Variants in TRABD2B observed in about 807,000 individuals in gnomAD.
The protein encoded by TRABD2B is metalloprotease TIKI2.
TRABD2B carries 14 observed loss-of-function variants against 40.1 expected under a neutral mutation model. That is an observed-to-expected ratio of 0.35 (90% CI 0.23 to 0.55). The LOEUF (loss-of-function observed/expected upper bound fraction) is 0.55. Among genes scored for constraint, TRABD2B ranks in the 20% least tolerant of loss-of-function variants. TRABD2B has a pLI of 0.90. For missense variants in TRABD2B, 541 were observed against 648.6 expected (o/e 0.83, Z 1.80); for synonymous variants, 263 against 277.0 (o/e 0.95, Z 0.50).
At chr1:47,812,947 G>A (rs1644984818) in intron 2 of TRABD2B, among the ~76,000 whole-genome samples, 1 of 152,160 alleles carries the variant, frequency 6.6e-6, no homozygotes, top group African/African-American at 2.4e-5. Flanking sequence ...TGGAATGGAT[G>A]AGAAATCAGA....
chr1:47,968,151 C>T lies in TRABD2B; in HGVS notation c.666+25883G>A, dbSNP rs112293800. Among the ~76,000 whole-genome samples the T allele has an allele frequency of 4.6e-5, 7 of 152,366 alleles. 1 individual carries two copies. The highest frequency in any genetic ancestry group is 1.3e-4 in the Admixed American group (2 of 15,310). On this transcript the variant is annotated intron_variant, in intron 2 of 6. Coordinates refer to ENST00000606738, the MANE Select transcript of TRABD2B (RefSeq NM_001194986.2). ...GAGATACTTACATTACCTGCTTTCACAGAGATAAGAACTGTTCAAATTAGC... is the reference window on the plus strand; with the variant it reads ...GAGATACTTACATTACCTGCTTTCATAGAGATAAGAACTGTTCAAATTAGC...
At chr1:47,972,744 A>G (rs1645699579) in intron 2 of TRABD2B, among the ~76,000 whole-genome samples, 1 of 152,170 alleles carries the variant, frequency 6.6e-6, no homozygotes, top group African/African-American at 2.4e-5. Context: ...CCCTCATGGT[A>G]GTCAAAGTCC....
intron 2 of TRABD2B, among the ~76,000 whole-genome samples, chr1:47,808,700 C>T (rs372243021): frequency 6.6e-6 from 1 of 152,190 alleles, no homozygotes; most frequent in Non-Finnish European, 1.5e-5. Flanking sequence ...GGTAAAGTCA[C>T]TTGCATAAGG....
At chr1:47,802,416 A>C (rs1231701094) in intron 2 of TRABD2B, among the ~76,000 whole-genome samples, 4 of 152,094 alleles carry the variant, frequency 2.6e-5, no homozygotes, top group Admixed American at 2.0e-4. Context: ...AGGCCCAGGG[A>C]AGGGAAGGGA....
chr1:47,966,991 TA>T (rs1203219289), intron 2 of TRABD2B, among the ~76,000 whole-genome samples: 1 of 151,586 alleles, frequency 6.6e-6, no homozygotes, highest in African/African-American at 2.4e-5. Flanking sequence ...TGTAGTTCAA[TA>T]AAGTTGAACA....
At chr1:47,875,220 G>C (rs925260219) in intron 2 of TRABD2B, among the ~76,000 whole-genome samples, 2 of 151,840 alleles carry the variant, frequency 1.3e-5, no homozygotes, top group African/African-American at 4.8e-5. Flanking sequence ...TTAAAAGCAT[G>C]TTAGCACTCC....
chr1:47,908,762 T>C (rs1644711487), intron 2 of TRABD2B, among the ~76,000 whole-genome samples: 2 of 152,254 alleles, frequency 1.3e-5, no homozygotes, highest in Non-Finnish European at 2.9e-5. Context: ...CAGCAGGCCA[T>C]GGAGGGCTCT....
intron 2 of TRABD2B, among the ~76,000 whole-genome samples, chr1:47,816,427 T>G (rs1197601031): frequency 6.6e-6 from 1 of 152,224 alleles, no homozygotes; most frequent in African/African-American, 2.4e-5. Flanking sequence ...TCTGGACTCC[T>G]CCTGCTCCCT....
chr1:47,964,849 C>G (rs779115215), intron 2 of TRABD2B, among the ~76,000 whole-genome samples: 77 of 152,074 alleles, frequency 5.1e-4, no homozygotes, highest in Non-Finnish European at 9.9e-4. Context: ...CGGCCAGGCA[C>G]TGCATAAGTC....
chr1:47,847,796 A>T (rs977308454), intron 2 of TRABD2B, among the ~76,000 whole-genome samples: 29 of 152,228 alleles, frequency 1.9e-4, no homozygotes, highest in African/African-American at 6.8e-4. Context: ...ATTACCTTAT[A>T]AATCGGCCGA....
At position 47,822,149 on chromosome 1, in the gene TRABD2B, TAC is replaced by T. The variant is rs77773814; in HGVS notation, c.667-20532_667-20531del. 6.6e-5 allele frequency among the ~76,000 whole-genome samples: 10 copies of T among 151,284 alleles called. No individual in the cohort carries two copies. The South Asian group carries it at 8.4e-4, about 13-fold the overall frequency. ...ACCTCTAGGCACATGTGTGTACACG[TAC>T]ACACACACACACACACAAACACACA... is the stretch of plus-strand genomic sequence containing the variant. On this transcript the variant is annotated intron_variant, in intron 2 of 6. Transcript: ENST00000606738.
intron 6 of TRABD2B, among the ~76,000 whole-genome samples, chr1:47,766,615 T>C (rs532120749): frequency 6.6e-6 from 1 of 152,202 alleles, no homozygotes; most frequent in African/African-American, 2.4e-5. Flanking sequence ...CCAAGCAATA[T>C]TTCTGATCCT....
chr1:47,945,140 A>C (rs979326342), intron 2 of TRABD2B, among the ~76,000 whole-genome samples: 5 of 152,094 alleles, frequency 3.3e-5, no homozygotes, highest in Non-Finnish European at 7.4e-5. Context: ...TGAAAGAAGG[A>C]GTTGTGTGTG....
At chr1:47,874,452 T>G (rs1431997068) in intron 2 of TRABD2B, among the ~76,000 whole-genome samples, 1 of 149,794 alleles carries the variant, frequency 6.7e-6, no homozygotes, top group Non-Finnish European at 1.5e-5. Context: ...TTTTGTATTT[T>G]TAGTAGAGAC....
intron 2 of TRABD2B, among the ~76,000 whole-genome samples, chr1:47,948,499 A>C (rs1645292336): frequency 6.6e-6 from 1 of 152,198 alleles, no homozygotes; most frequent in Non-Finnish European, 1.5e-5. Flanking sequence ...TTGAGGGTCG[A>C]GTACAGCCTT....
chr1:47,871,619 G>A (rs766006623), intron 2 of TRABD2B, among the ~76,000 whole-genome samples: 2 of 152,124 alleles, frequency 1.3e-5, no homozygotes, highest in African/African-American at 4.8e-5. Flanking sequence ...AGAGATGGTC[G>A]GGACAGGTGG....
chr1:47,915,394 G>T (rs1284714158), intron 2 of TRABD2B, among the ~76,000 whole-genome samples: 2 of 152,116 alleles, frequency 1.3e-5, no homozygotes, highest in African/African-American at 4.8e-5. Flanking sequence ...AGAGGCACGG[G>T]GACTTACACT....
chr1:47,893,587 A>G (rs755103257), intron 2 of TRABD2B, among the ~76,000 whole-genome samples: 4 of 152,160 alleles, frequency 2.6e-5, no homozygotes, highest in Admixed American at 2.0e-4. Flanking sequence ...TCACATTTCA[A>G]TGCTTGAGAG....
intron 2 of TRABD2B, among the ~76,000 whole-genome samples, chr1:47,906,001 T>A (rs2124691077): frequency 6.6e-6 from 1 of 152,310 alleles, no homozygotes; most frequent in African/African-American, 2.4e-5. Flanking sequence ...CCAGCACTCC[T>A]GCCATGTCTC....
Sources: allele counts gnomAD v4.1 joint callset (sites outside exome capture counted in the v4.1 genomes callset), GRCh38; gene constraint gnomAD v4.1.1; transcripts MANE v1.5; gene names NCBI Gene and HGNC (gene_info 2026-07-23, HGNC 2026-07-21).